The following ZNF676 variants were observed in gnomAD, a reference collection of about 807,000 sequenced individuals.
ZNF676 encodes the protein zinc finger protein 676.
A neutral mutation model predicts 6.0 loss-of-function variants in ZNF676; 4 were observed. That is an observed-to-expected ratio of 0.67 (90% CI 0.33 to 1.53). The LOEUF (loss-of-function observed/expected upper bound fraction) is 1.53. Among genes scored for constraint, ZNF676 ranks in the 40% most tolerant of loss-of-function variants. ZNF676 has a pLI of 0.06. For synonymous variants in ZNF676, 198 were observed against 223.1 expected (o/e 0.89, Z 1.00); for missense variants, 644 against 679.7 (o/e 0.95, Z 0.58).
the ZNF676 span, among the ~76,000 whole-genome samples, chr19:22,232,414 C>T: frequency 6.6e-6 from 1 of 152,144 alleles, no homozygotes; most frequent in African/African-American, 2.4e-5. Flanking sequence ...GATCTGCCTG[C>T]CTTGTCCTTC....
the ZNF676 span, among the ~76,000 whole-genome samples, chr19:22,220,815 T>C: frequency 6.6e-6 from 1 of 152,196 alleles, no homozygotes; most frequent in African/African-American, 2.4e-5. Context: ...TCAGAGTTTT[T>C]ATTTCTTCCT....
chr19:22,228,840 T>C, the ZNF676 span, among the ~76,000 whole-genome samples: 1 of 152,000 alleles, frequency 6.6e-6, no homozygotes, highest in African/African-American at 2.4e-5. Context: ...AAACCACAGC[T>C]CAATGAAATA....
chr19:22,211,550 T>C (rs1427511113), intron 1 of ZNF676, among the ~76,000 whole-genome samples: 1 of 152,192 alleles, frequency 6.6e-6, no homozygotes, highest in Non-Finnish European at 1.5e-5. Context: ...GCAAATGTAT[T>C]TATTTCTTTT....
chr19:22,197,587 C>A (rs1205425410), upstream of ZNF676, among the ~76,000 whole-genome samples: 1 of 151,842 alleles, frequency 6.6e-6, no homozygotes, highest in Non-Finnish European at 1.5e-5. Flanking sequence ...ATAGAATGAG[C>A]CTGTGTTTTT....
upstream of ZNF676, among the ~76,000 whole-genome samples, chr19:22,200,733 G>A (rs2024017501): frequency 6.6e-6 from 1 of 151,886 alleles, no homozygotes; most frequent in Non-Finnish European, 1.5e-5. Flanking sequence ...TCAATATGGT[G>A]AAATCCCTAT....
chr19:22,209,040 A>AG (rs1402348057), intron 1 of ZNF676, among the ~76,000 whole-genome samples: 1 of 152,308 alleles, frequency 6.6e-6, no homozygotes, highest in East Asian at 1.9e-4. Flanking sequence ...CCAAGGCGGC[A>AG]GATCACCTGA....
At chr19:22,248,001 G>GT in the ZNF676 span, among the ~76,000 whole-genome samples, 1 of 151,578 alleles carries the variant, frequency 6.6e-6, no homozygotes, top group African/African-American at 2.4e-5. Context: ...GCGGTGCTTG[G>GT]TTTTTTGTCC....
chr19:22,214,177 T>C (rs922404016), intron 1 of ZNF676, among the ~76,000 whole-genome samples: 1 of 151,808 alleles, frequency 6.6e-6, no homozygotes, highest in African/African-American at 2.4e-5. Flanking sequence ...GCTGGAGAAA[T>C]AGGGGGTGGC....
At chr19:22,231,469 C>G in the ZNF676 span, among the ~76,000 whole-genome samples, 1 of 150,434 alleles carries the variant, frequency 6.6e-6, no homozygotes, top group Non-Finnish European at 1.5e-5. Flanking sequence ...TGCAACTTGC[C>G]TTTCTATAAT....
chr19:22,216,118 T>G, upstream of ZNF676, among the ~76,000 whole-genome samples: 1 of 152,198 alleles, frequency 6.6e-6, no homozygotes, highest in East Asian at 1.9e-4. Context: ...GTAAATCAAT[T>G]TTTACTTTAG....
At chr19:22,229,213 T>A in the ZNF676 span, among the ~76,000 whole-genome samples, 10 of 152,180 alleles carry the variant, frequency 6.6e-5, no homozygotes. Context: ...TACAACCATC[T>A]GATCTTTGAC....
At chr19:22,239,224 TG>T in the ZNF676 span, among the ~76,000 whole-genome samples, 1 of 142,962 alleles carries the variant, frequency 7.0e-6, no homozygotes. Flanking sequence ...TTTTTTGAGA[TG>T]GAGTCTCGCT....
At chr19:22,197,138 C>G (rs1166338920), upstream of ZNF676, among the ~76,000 whole-genome samples, 1 of 151,966 alleles carries the variant, frequency 6.6e-6, no homozygotes, top group Admixed American at 6.6e-5. Flanking sequence ...GCCTGACCAA[C>G]ATGGTGAAAC....
intron 1 of ZNF676, among the ~76,000 whole-genome samples, chr19:22,205,059 C>T (rs1264974283): frequency 6.6e-6 from 1 of 152,012 alleles, no homozygotes; most frequent in Non-Finnish European, 1.5e-5. Context: ...TCTTGGACAT[C>T]TGAATTTTGC....
At chr19:22,218,737 C>A (rs2024218956), upstream of ZNF676, among the ~76,000 whole-genome samples, 1 of 152,044 alleles carries the variant, frequency 6.6e-6, no homozygotes. Context: ...CACTTCATAT[C>A]TTTGTTTACT....
rs374292334 is a variant in ZNF676 at position 22,192,400 on chromosome 19, ACT to A, written c.130+614_130+615del. ...CCAAAGTGATCTCTAGATTCAGTAAACTCTGTCAATATTCCAGTGTTTTTCTT... is the reference window on the plus strand; with the variant it reads ...CCAAAGTGATCTCTAGATTCAGTAAACTGTCAATATTCCAGTGTTTTTCTT... On this transcript the variant is annotated intron_variant, in intron 2 of 2. Transcript: ENST00000397121. Among the ~76,000 whole-genome samples the A allele has an allele frequency of 1.3e-3, 204 of 152,222 alleles. 1 individual carries two copies. Among genetic ancestry groups the A allele is most frequent in the African/African-American group, 4.5e-3 (187 of 41,550 alleles).
Position 22,182,668 on chromosome 19 carries a change from GAA to G in ZNF676, c.131-1084_131-1083del, listed in dbSNP as rs55861617. On this transcript the variant is annotated intron_variant, in intron 2 of 2. Transcript: ENST00000397121. ...ATCAGCAAATCTGTCCTGCCTAAAA[GAA>G]AAAAAAAAAAAGAGCTTTCAAAATA... 7.6e-3 allele frequency among the ~76,000 whole-genome samples: 1,006 copies of G among 132,264 alleles called. 9 individuals are homozygous for G. Among genetic ancestry groups the G allele is most frequent in the African/African-American group, 0.023 (830 of 35,960 alleles). 86.8% of individuals were successfully genotyped at this position (132,264 alleles called of 152,430 possible).
chr19:22,226,900 A>G, the ZNF676 span, among the ~76,000 whole-genome samples: 2 of 152,078 alleles, frequency 1.3e-5, no homozygotes, highest in African/African-American at 4.8e-5. Flanking sequence ...CACCCAGCTC[A>G]TGTGTTTAAT....
At chr19:22,255,126 G>T in the ZNF676 span, among the ~76,000 whole-genome samples, 1 of 152,192 alleles carries the variant, frequency 6.6e-6, no homozygotes, top group Non-Finnish European at 1.5e-5. Flanking sequence ...CATGAACTGT[G>T]TTCCCTCAGT....
Sources: gnomAD v4.1 joint callset for allele counts (sites outside exome capture counted in the v4.1 genomes callset) on GRCh38, gnomAD v4.1.1 for gene constraint, MANE v1.5 for transcripts, NCBI Gene and HGNC (gene_info 2026-07-23, HGNC 2026-07-21) for gene names.